Variants in KCNQ1 observed in about 807,000 individuals in gnomAD.
KCNQ1 encodes the protein potassium voltage-gated channel subfamily Q member 1.
In KCNQ1, 49 loss-of-function variants were observed where a neutral mutation model predicts 72.4. The ratio of observed to expected loss-of-function variants is 0.68; its 90% CI spans 0.54 to 0.86. The LOEUF (loss-of-function observed/expected upper bound fraction) is 0.86, where lower values mean the gene tolerates loss of function less well. KCNQ1 is among the 40% of genes least tolerant of loss of function. The probability of loss-of-function intolerance (pLI) is 0.00; values close to 1 mark genes in which losing one functional copy is unlikely to be tolerated. For synonymous variants in KCNQ1, 450 were observed against 412.6 expected (o/e 1.09, Z -1.10); for missense variants, 790 against 945.1 (o/e 0.84, Z 2.15).
chr11:2,644,073 G>A (rs568736209), intron 10 of KCNQ1: 1 of 398,480 alleles, frequency 2.5e-6, no homozygotes, highest in Admixed American at 4.4e-5. Context: ...ATGTGCTGTG[G>A]AAAAGACCTT....
rs984926867 is a variant in KCNQ1, at chr11:2,475,339, G to A, written c.386+29855G>A. On this transcript the variant is annotated intron_variant, in intron 1 of 15. Transcript: ENST00000155840. The surrounding 1 kb of genome is among the most constrained non-coding windows in gnomAD (Gnocchi z 5.8). The stretch of plus-strand genomic sequence containing the variant: ...ATTCCCTTCCTTTCTGAGCTGAGTA[G>A]TGGTCTGTGGTGTGGATGGACTACG... Among the ~76,000 whole-genome samples, 8 of 152,166 alleles carry A rather than the reference G, an allele frequency of 5.3e-5. No individual in the cohort carries two copies. The highest frequency in any genetic ancestry group is 8.8e-5 in the Non-Finnish European group (6 of 68,040).
At chr11:2,558,447 G>A (rs1848104425) in intron 2 of KCNQ1, among the ~76,000 whole-genome samples, 1 of 152,172 alleles carries the variant, frequency 6.6e-6, no homozygotes, top group Non-Finnish European at 1.5e-5. Flanking sequence ...CATAGTTTTT[G>A]CTTCATCAGA....
In KCNQ1 at chr11:2,669,356, G is replaced by A. The variant is rs1850141652; in HGVS notation, c.1514+7275G>A. ...CGCAGCAGCCTCTAGATGGGCATGG[G>A]AGAATGGGTATCCTTATAGTTTTGG... On this transcript the variant is annotated intron_variant, in intron 11 of 15. Transcript: ENST00000155840. The surrounding 1 kb of genome is among the most constrained non-coding windows in gnomAD (Gnocchi z 5.6). 1 of 398,646 alleles carries A rather than the reference G, an allele frequency of 2.5e-6. No homozygotes were observed. The highest frequency in any genetic ancestry group is 4.4e-6 in the Non-Finnish European group (1 of 226,078). The allele number at this position is 398,646 out of a possible 1,614,324, so 24.7% of individuals were successfully genotyped here.
At chr11:2,656,849 ATAGT>A (rs931919447) in intron 10 of KCNQ1, 1 of 398,612 alleles carries the variant, frequency 2.5e-6, no homozygotes, top group East Asian at 3.6e-5. Context: ...TATGCTTTTC[ATAGT>A]TAGGTCTTCA....
Position 2,682,351 on chromosome 11 carries a change from C to T in KCNQ1, c.1514+20270C>T, listed in dbSNP as rs1025264059. ...GTGTTTATTTGTGGTAAAGGGTTTA[C>T]TGGCTGGCTCCTTCTATCACATTCA... is the stretch of plus-strand genomic sequence containing the variant. On this transcript the variant is annotated intron_variant, in intron 11 of 15. Coordinates refer to ENST00000155840, the MANE Select transcript of KCNQ1 (RefSeq NM_000218.3). The surrounding 1 kb of genome is among the most constrained non-coding windows in gnomAD (Gnocchi z 5.8). 16 of 398,524 alleles carry T rather than the reference C, an allele frequency of 4.0e-5. 1 individual carries two copies. Among genetic ancestry groups the T allele is most frequent in the Non-Finnish European group, 6.6e-5 (15 of 226,096 alleles). 24.7% of individuals were successfully genotyped at this position (398,524 alleles called of 1,614,324 possible).
At chr11:2,503,506 A>C (rs1015863977) in intron 1 of KCNQ1, among the ~76,000 whole-genome samples, 1 of 127,230 alleles carries the variant, frequency 7.9e-6, no homozygotes. Flanking sequence ...ACATGGACAC[A>C]GGAAGGGGAA....
Position 2,537,772 on chromosome 11 carries a change from G to A in KCNQ1, c.477+9754G>A, listed in dbSNP as rs1452866322. Among the ~76,000 whole-genome samples, 1 of 152,154 alleles carries A rather than the reference G, an allele frequency of 6.6e-6. No individual in the cohort carries two copies. The highest frequency in any genetic ancestry group is 1.5e-5 in the Non-Finnish European group (1 of 68,030). On this transcript the variant is annotated intron_variant, in intron 2 of 15. Coordinates refer to ENST00000155840, the MANE Select transcript of KCNQ1 (RefSeq NM_000218.3). This position sits in a 1 kb window ranked among gnomAD's most constrained non-coding sequence, Gnocchi z 5.2. ...CTTGCTGTGTTGCCCAGGTTGGAGA[G>A]TAGTGGCATACTCACGGCTCACTGC...
chr11:2,640,861 CCTT>C, intron 10 of KCNQ1: 1 of 399,594 alleles, frequency 2.5e-6, no homozygotes, highest in South Asian at 1.3e-4. Flanking sequence ...TGGTATCTAT[CCTT>C]CTACTCTCTA....
chr11:2,695,328 TTGTGTG>T lies in KCNQ1; in HGVS notation c.1514+33258_1514+33263del, dbSNP rs61588088. The T allele has an allele frequency of 3.8e-5, 15 of 393,850 alleles. No homozygotes were observed. In the Admixed American group the frequency reaches 5.8e-4, roughly 15 times the overall value. 24.4% of individuals were successfully genotyped at this position (393,850 alleles called of 1,614,324 possible). Reference sequence around the variant, plus strand: ...TCTCCAGGGTAATTTATTTATATCATTGTGTGTGTGTGTGTGCACTCACGAGCACTC... The same window carrying T: ...TCTCCAGGGTAATTTATTTATATCATTGTGTGTGTGCACTCACGAGCACTC... On this transcript the variant is annotated intron_variant, in intron 11 of 15. Transcript: ENST00000155840. This position sits in a 1 kb window ranked among gnomAD's most constrained non-coding sequence, Gnocchi z 5.2.
At chr11:2,607,010 C>T (rs1298136665) in intron 10 of KCNQ1, among the ~76,000 whole-genome samples, 1 of 145,434 alleles carries the variant, frequency 6.9e-6, no homozygotes, top group Non-Finnish European at 1.5e-5. Flanking sequence ...TCACGCCATT[C>T]TTCTGCCTCA....
At chr11:2,465,674 C>T (rs186893042) in intron 1 of KCNQ1, among the ~76,000 whole-genome samples, 32 of 152,290 alleles carry the variant, frequency 2.1e-4, no homozygotes, top group Admixed American at 1.4e-3. Context: ...GGGTGGGCGC[C>T]GAGCTCTGCC....
chr11:2,680,060 AT>A (rs563953512), intron 11 of KCNQ1: 6,843 of 288,576 alleles, frequency 0.024, no homozygotes, highest in Middle Eastern at 0.049. Context: ...TGACTGGCTA[AT>A]TTTTTTTTTT....
At chr11:2,705,634 G>GC (rs1025155780) in intron 11 of KCNQ1, among the ~76,000 whole-genome samples, 1 of 152,142 alleles carries the variant, frequency 6.6e-6, no homozygotes, top group Non-Finnish European at 1.5e-5. Flanking sequence ...TTCCACAGCT[G>GC]CCCCCCAGCC....
At chr11:2,794,984 A>G (rs952427977) in intron 15 of KCNQ1, among the ~76,000 whole-genome samples, 9 of 152,188 alleles carry the variant, frequency 5.9e-5, no homozygotes, top group African/African-American at 2.2e-4. Flanking sequence ...GCGGGGAGGA[A>G]GGCAAGCAGG....
chr11:2,640,859 A>T (rs531490868), intron 10 of KCNQ1: 7 of 399,514 alleles, frequency 1.8e-5, no homozygotes, highest in African/African-American at 1.0e-4. Flanking sequence ...TTTGGTATCT[A>T]TCCTTCTACT....
At position 2,587,573 on chromosome 11, in the gene KCNQ1, G is replaced by A. The variant is rs756571615; in HGVS notation, c.1132G>A (p.Ala378Thr). The A allele has an allele frequency of 5.6e-6, 9 of 1,613,586 alleles. No individual in the cohort carries two copies. Among genetic ancestry groups the A allele is most frequent in the East Asian group, 4.5e-5 (2 of 44,888 alleles). ...IPAAASLIQT[A>T]WRCYAAENPD... ...CTGTCCCCCTGCCCGACCTCAGACC[G>A]CATGGAGGTGCTATGCTGCCGAGAA... Residue 378 changes from alanine to threonine, a missense_variant, in exon 9 of 16, where the codon GCA (alanine) becomes ACA (threonine). Physicochemically the swap from Ala to Thr is moderately conservative, Grantham distance 58. Around this residue, in one of 5 missense-constraint regions of KCNQ1, gnomAD observed 133 missense variants for 219.5 expected, o/e 0.61. Transcript: ENST00000155840.
At chr11:2,763,402 G>GA (rs60011808) in intron 11 of KCNQ1, among the ~76,000 whole-genome samples, 108,231 of 141,118 alleles carry the variant, frequency 0.77, 41,114 homozygotes, top group Middle Eastern at 0.82. Flanking sequence ...CATCTTAGAA[G>GA]AAAAAAAAAA....
chr11:2,838,175 C>T (rs1017334525), intron 15 of KCNQ1, among the ~76,000 whole-genome samples: 5 of 152,238 alleles, frequency 3.3e-5, no homozygotes, highest in Admixed American at 1.3e-4. Context: ...AGGGACCAGG[C>T]AGACAGAGGT....
At position 2,764,426 on chromosome 11, in the gene KCNQ1, G is replaced by A. The variant is rs963617695; in HGVS notation, c.1515-4418G>A. Among the ~76,000 whole-genome samples the A allele has an allele frequency of 1.3e-5, 2 of 152,202 alleles. No individual in the cohort carries two copies. The highest frequency in any genetic ancestry group is 2.9e-5 in the Non-Finnish European group (2 of 68,038). ...ACATTCGAGCATGTGTTTGGGCACA[G>A]TGCTACATGCAGCTTGCTGGTGGTG... On this transcript the variant is annotated intron_variant, in intron 11 of 15. Transcript: ENST00000155840. The surrounding 1 kb of genome is among the most constrained non-coding windows in gnomAD (Gnocchi z 4.8).
Sources: allele counts gnomAD v4.1 joint callset (sites outside exome capture counted in the v4.1 genomes callset), GRCh38; gene constraint gnomAD v4.1.1; regional missense constraint gnomAD v4.1.1; non-coding constraint Gnocchi (gnomAD v3.1); transcripts MANE v1.5; gene names NCBI Gene and HGNC (gene_info 2026-07-23, HGNC 2026-07-21).